Variants in HDAC4 observed in about 807,000 individuals in gnomAD.
The protein encoded by HDAC4 is histone deacetylase 4, also known as histone deacetylase A.
A neutral mutation model predicts 135.1 loss-of-function variants in HDAC4; 16 were observed. That is an observed-to-expected ratio of 0.12 (90% CI 0.08 to 0.18). The LOEUF is 0.18. Among genes scored for constraint, HDAC4 ranks in the 10% least tolerant of loss-of-function variants. The pLI is 1.00. For synonymous variants in HDAC4, 685 were observed against 653.4 expected, an observed-to-expected ratio of 1.05 and a Z score of -0.74; for missense variants, 1,143 against 1,511.8, an observed-to-expected ratio of 0.76 and a Z score of 4.05.
chr2:239,158,853 G>T (rs2152956177), intron 6 of HDAC4, among the ~76,000 whole-genome samples: 1 of 152,146 alleles, frequency 6.6e-6, no homozygotes. Flanking sequence ...CGTCCAGCAG[G>T]GCGAGCAGAA....
At chr2:239,162,369 C>G in intron 6 of HDAC4, 1 of 456,084 alleles carries the variant, frequency 2.2e-6, no homozygotes, top group Non-Finnish European at 4.4e-6. Flanking sequence ...CTGCCCTTTC[C>G]AGCTTGGGCC....
At chr2:239,312,190 CT>C (rs1559355938) in intron 2 of HDAC4, among the ~76,000 whole-genome samples, 1 of 152,180 alleles carries the variant, frequency 6.6e-6, no homozygotes. Context: ...AGGGGCACCC[CT>C]GGGCAGGGCA....
Position 239,126,495 on chromosome 2 carries a change from G to A in HDAC4, c.1494C>T (p.His498=), listed in dbSNP as rs768928164. 1 of 1,613,672 alleles carries A rather than the reference G, an allele frequency of 6.2e-7. No homozygotes were observed. Among genetic ancestry groups the A allele is most frequent in the South Asian group, 1.1e-5 (1 of 91,032 alleles). The change falls in exon 12 of 27, where the codon CAC becomes CAT. Residue 498 remains histidine, a synonymous_variant. Transcript: ENST00000543185. Reference sequence around the variant, plus strand: ...GTTGCTGCTGCTGGAACTGCTGCTTGTGTTTCTCCAGAAACTGCTGATGCT... The same window carrying A: ...GTTGCTGCTGCTGGAACTGCTGCTTATGTTTCTCCAGAAACTGCTGATGCT... ...QQQHQQFLEK[H]KQQFQQQQLQ... is the part of the protein sequence containing the mutation.
At chr2:239,249,936 G>A (rs374678941) in intron 2 of HDAC4, among the ~76,000 whole-genome samples, 1 of 152,132 alleles carries the variant, frequency 6.6e-6, no homozygotes, top group East Asian at 1.9e-4. Flanking sequence ...CTCACCCCGC[G>A]ACAGCTGTGC....
chr2:239,356,188 T>C (rs926162313), intron 1 of HDAC4, among the ~76,000 whole-genome samples: 44 of 152,132 alleles, frequency 2.9e-4, no homozygotes, highest in African/African-American at 9.9e-4. Context: ...TCCTGATCAA[T>C]GAAAAGTCCA....
rs539361276 is a variant in HDAC4 at position 239,298,994 on chromosome 2, G to C, written c.22+53684C>G. Among the ~76,000 whole-genome samples, 5 of 146,906 alleles carry C rather than the reference G, an allele frequency of 3.4e-5. No individual in the cohort carries two copies. The Admixed American group carries it at 3.5e-4, about 10-fold the overall frequency. ...TGCCATTCTCCTGCCTCAGCCTCCC[G>C]AGTAGCTGGGACTACAGGTGCCCGC... On this transcript the variant is annotated intron_variant, in intron 2 of 26. Transcript: ENST00000543185.
At chr2:239,271,563 G>A (rs962696829) in intron 2 of HDAC4, among the ~76,000 whole-genome samples, 1 of 152,198 alleles carries the variant, frequency 6.6e-6, no homozygotes, top group Non-Finnish European at 1.5e-5. Flanking sequence ...CGATTCTGCC[G>A]GCATCCTCCC....
intron 14 of HDAC4, among the ~76,000 whole-genome samples, chr2:239,108,585 G>A (rs921111556): frequency 6.6e-6 from 1 of 152,162 alleles, no homozygotes; most frequent in African/African-American, 2.4e-5. Context: ...TCTAGAAGGA[G>A]GCGACTCTAG....
chr2:239,186,884 G>A (rs943942181), intron 4 of HDAC4: 2 of 152,256 alleles, frequency 1.3e-5, no homozygotes, highest in African/African-American at 2.4e-5. Flanking sequence ...AACACACGGG[G>A]CTTAGGCTTA....
chr2:239,081,495 T>C (rs958421462), intron 21 of HDAC4, among the ~76,000 whole-genome samples: 1 of 152,246 alleles, frequency 6.6e-6, no homozygotes, highest in Non-Finnish European at 1.5e-5. Context: ...CTGTGTTGTG[T>C]GCCGTGTGTT....
intron 2 of HDAC4, among the ~76,000 whole-genome samples, chr2:239,246,555 G>T (rs944618316): frequency 2.0e-5 from 3 of 147,958 alleles, no homozygotes; most frequent in African/African-American, 4.9e-5. Flanking sequence ...CACGGCGCCG[G>T]CAGGAGTGAA....
intron 2 of HDAC4, among the ~76,000 whole-genome samples, chr2:239,286,777 G>A (rs1336991833): frequency 2.0e-5 from 3 of 152,144 alleles, no homozygotes; most frequent in African/African-American, 7.2e-5. Flanking sequence ...AGGTAGGCCG[G>A]CCAAGGATGA....
intron 2 of HDAC4, among the ~76,000 whole-genome samples, chr2:239,317,780 C>T (rs1028602406): frequency 2.0e-5 from 3 of 152,346 alleles, no homozygotes; most frequent in African/African-American, 4.8e-5. Flanking sequence ...AAGCCAACGA[C>T]AGAGGGTCCT....
chr2:239,319,376 TA>T (rs1282210314), intron 2 of HDAC4, among the ~76,000 whole-genome samples: 1 of 152,056 alleles, frequency 6.6e-6, no homozygotes, highest in Non-Finnish European at 1.5e-5. Context: ...ACAACAAACA[TA>T]AAAATGGGTG....
At chr2:239,369,056 G>T (rs921685568) in intron 1 of HDAC4, among the ~76,000 whole-genome samples, 2 of 152,082 alleles carry the variant, frequency 1.3e-5, no homozygotes, top group African/African-American at 2.4e-5. Context: ...GGTGACAAAG[G>T]ACCTGCACAC....
rs1431925249 is a variant in HDAC4, at chr2:239,262,331, AAC to A, written c.23-25669_23-25668del. ...AGAGACCACAATAACACACTTTAGA[AAC>A]AGAGTAGCAATTTGGTTCTCTGCGG... On this transcript the variant is annotated intron_variant, in intron 2 of 26. Transcript: ENST00000543185. This position sits in a 1 kb window ranked among gnomAD's most constrained non-coding sequence, Gnocchi z 4.1. Among the ~76,000 whole-genome samples, 1 of 152,234 alleles carries A rather than the reference AAC, an allele frequency of 6.6e-6. No homozygotes were observed. Among genetic ancestry groups the A allele is most frequent in the East Asian group, 1.9e-4 (1 of 5,194 alleles).
At chr2:239,121,316 TC>T (rs1373182733) in intron 12 of HDAC4, among the ~76,000 whole-genome samples, 1 of 152,124 alleles carries the variant, frequency 6.6e-6, no homozygotes, top group East Asian at 1.9e-4. Context: ...CAAACGTCCT[TC>T]CCCTATGCAC....
At chr2:239,220,981 G>A (rs994301040) in intron 3 of HDAC4, among the ~76,000 whole-genome samples, 4 of 152,096 alleles carry the variant, frequency 2.6e-5, no homozygotes, top group Non-Finnish European at 1.5e-5. Flanking sequence ...TGACCAAGGC[G>A]AGGTACTCCC....
intron 2 of HDAC4, among the ~76,000 whole-genome samples, chr2:239,276,073 G>C (rs1450453678): frequency 1.3e-5 from 2 of 152,180 alleles, no homozygotes; most frequent in African/African-American, 4.8e-5. Context: ...GCCAGGCAAA[G>C]AACCAGTGTT....
Sources: gnomAD v4.1 joint callset for allele counts (sites outside exome capture counted in the v4.1 genomes callset) on GRCh38, gnomAD v4.1.1 for gene constraint, Gnocchi (gnomAD v3.1) non-coding constraint, MANE v1.5 for transcripts, NCBI Gene and HGNC (gene_info 2026-07-23, HGNC 2026-07-21) for gene names.